The following CDH8 variants were observed in gnomAD, a reference collection of about 807,000 sequenced individuals.
CDH8 encodes cadherin 8.
Under a neutral mutation model 68.1 loss-of-function variants are expected in CDH8, and 17 were observed. That is an observed-to-expected ratio of 0.25 (90% CI 0.17 to 0.37). The LOEUF (loss-of-function observed/expected upper bound fraction) is 0.37. Ranked by LOEUF, CDH8 falls within the 10% of genes least tolerant of loss-of-function variation. The pLI is 1.00. For synonymous variants in CDH8, 372 were observed against 365.1 expected (o/e 1.02, Z -0.21); for missense variants, 763 against 999.3 (o/e 0.76, Z 3.19).
At position 61,653,403 on chromosome 16, in the gene CDH8, C is replaced by T; in HGVS notation, c.*205G>A. 1 of 1,362,444 alleles carries T rather than the reference C, an allele frequency of 7.3e-7. No individual in the cohort carries two copies. The highest frequency in any genetic ancestry group is 9.4e-7 in the Non-Finnish European group (1 of 1,062,968). 84.4% of individuals were successfully genotyped at this position (1,362,444 alleles called of 1,614,324 possible). A position where few individuals can be genotyped will look rare whatever the true frequency, so the allele number is the denominator to read the frequency against. On this transcript the variant is annotated 3_prime_UTR_variant, in exon 12 of 12. Coordinates refer to ENST00000577390, the MANE Select transcript of CDH8 (RefSeq NM_001796.5). Reference sequence around the variant, plus strand: ...CTAGACACTCCACATACTTAATTCACACTCCACAAGATTTATAACCTCCTA... The same window carrying T: ...CTAGACACTCCACATACTTAATTCATACTCCACAAGATTTATAACCTCCTA...
intron 10 of CDH8, among the ~76,000 whole-genome samples, chr16:61,703,477 A>T (rs2142853126): frequency 6.6e-6 from 1 of 152,312 alleles, no homozygotes; most frequent in South Asian, 2.1e-4. Flanking sequence ...ATTGACTCAC[A>T]ATATATGTTT....
At chr16:61,690,516 G>C (rs1567423871) in intron 10 of CDH8, among the ~76,000 whole-genome samples, 1 of 152,008 alleles carries the variant, frequency 6.6e-6, no homozygotes, top group Non-Finnish European at 1.5e-5. Context: ...TTCAGGGTTT[G>C]GTCAGAATTT....
Position 62,021,218 on chromosome 16 carries a change from G to A in CDH8, c.186C>T (p.Gly62=), listed in dbSNP as rs1367255970. The A allele has an allele frequency of 4.3e-6, 7 of 1,614,018 alleles. No individual in the cohort carries two copies. Among genetic ancestry groups the A allele is most frequent in the Non-Finnish European group, 5.9e-6 (7 of 1,179,946 alleles). ...EQRILNRSKR[G]WVWNQMFVLE... is the part of the protein sequence containing the mutation. ...GGACAAACATTTGATTCCAAACCCA[G>A]CCTCTTTTGGAGCGGTTCAAAATTC... The change falls in exon 2 of 12, where the codon GGC becomes GGT. Residue 62 remains glycine (G), a synonymous_variant. Coordinates refer to ENST00000577390, the MANE Select transcript of CDH8 (RefSeq NM_001796.5).
chr16:61,844,170 G>T (rs372751312), intron 4 of CDH8, among the ~76,000 whole-genome samples: 1 of 150,386 alleles, frequency 6.6e-6, no homozygotes, highest in South Asian at 2.1e-4. Flanking sequence ...GCAAACTATC[G>T]CAAGGACAAA....
chr16:61,656,479 T>A lies in CDH8; in HGVS notation c.1655-758A>T, dbSNP rs181085424. Among the ~76,000 whole-genome samples, 5 of 152,282 alleles carry A rather than the reference T, an allele frequency of 3.3e-5. No homozygotes were observed. In the East Asian group the frequency reaches 9.7e-4, roughly 29 times the overall value. ...AAAGATAGACTGTATGACAACACAG[T>A]TGCAAAACAATGCACTTTGTTGATT... On this transcript the variant is annotated intron_variant, in intron 10 of 11. Coordinates refer to ENST00000577390, the MANE Select transcript of CDH8 (RefSeq NM_001796.5).
At chr16:61,949,754 G>A (rs142148525) in intron 2 of CDH8, among the ~76,000 whole-genome samples, 1,708 of 152,068 alleles carry the variant, frequency 0.011, 33 homozygotes, top group African/African-American at 0.039. Context: ...AAGCCAAGGC[G>A]GCAGATCACT....
At chr16:61,946,949 T>C (rs1320422400) in intron 2 of CDH8, among the ~76,000 whole-genome samples, 2 of 152,240 alleles carry the variant, frequency 1.3e-5, no homozygotes, top group African/African-American at 4.8e-5. Context: ...TGATGTTCCA[T>C]GTAGAACACA....
intron 7 of CDH8, among the ~76,000 whole-genome samples, chr16:61,814,454 A>G (rs1420793832): frequency 6.6e-6 from 1 of 152,206 alleles, no homozygotes; most frequent in Non-Finnish European, 1.5e-5. Context: ...AGTAGTAGGT[A>G]TAAGAAGTCA....
At chr16:61,879,851 TA>T (rs1479095749) in intron 3 of CDH8, among the ~76,000 whole-genome samples, 2 of 152,176 alleles carry the variant, frequency 1.3e-5, no homozygotes, top group East Asian at 3.9e-4. Context: ...AGCAATACAG[TA>T]ATTAATCAAT....
At chr16:61,717,742 T>C (rs763582776) in intron 9 of CDH8, among the ~76,000 whole-genome samples, 8 of 150,762 alleles carry the variant, frequency 5.3e-5, no homozygotes, top group African/African-American at 7.4e-5. Context: ...ATATATGAGA[T>C]ATCCCCCCTC....
chr16:61,904,155 G>C (rs1964026752), intron 2 of CDH8, among the ~76,000 whole-genome samples: 1 of 152,066 alleles, frequency 6.6e-6, no homozygotes, highest in Admixed American at 6.6e-5. Context: ...ACTTGTTCAG[G>C]TAACCAACTT....
intron 8 of CDH8, among the ~76,000 whole-genome samples, chr16:61,756,179 G>A (rs1475630256): frequency 6.6e-6 from 1 of 151,916 alleles, no homozygotes; most frequent in Non-Finnish European, 1.5e-5. Flanking sequence ...CTGATATTTT[G>A]TACATTTTTG....
chr16:61,723,850 T>C (rs1959264199), intron 9 of CDH8, among the ~76,000 whole-genome samples: 1 of 150,658 alleles, frequency 6.6e-6, no homozygotes, highest in African/African-American at 2.4e-5. Context: ...AACCCTCCTG[T>C]TAAACTGGGA....
chr16:61,957,317 A>G (rs1350989945), intron 2 of CDH8, among the ~76,000 whole-genome samples: 1 of 152,186 alleles, frequency 6.6e-6, no homozygotes, highest in South Asian at 2.1e-4. Context: ...GACCACCTAC[A>G]GTCTATCTGA....
At chr16:61,765,524 T>C (rs965608115) in intron 8 of CDH8, among the ~76,000 whole-genome samples, 7 of 152,058 alleles carry the variant, frequency 4.6e-5, no homozygotes, top group African/African-American at 1.7e-4. Context: ...ATCATTTTTG[T>C]TCCAGATGTT....
intron 5 of CDH8, among the ~76,000 whole-genome samples, chr16:61,823,117 G>T (rs528157333): frequency 1.1e-4 from 17 of 151,848 alleles, no homozygotes; most frequent in African/African-American, 3.6e-4. Context: ...TGTTTAAAAA[G>T]GTTGCATTGT....
In CDH8 at chr16:61,655,450, G is replaced by T. The variant is rs755649849; in HGVS notation, c.1906+20C>A. ...GAATCAGAAAAAGGGTGACCGGTAG[G>T]CTATGAAGGAAATACGTACCTAACA... On this transcript the variant is annotated intron_variant, in intron 11 of 11. Transcript: ENST00000577390. 2.5e-5 allele frequency: 41 copies of T among 1,613,216 alleles called. No individual in the cohort carries two copies. Among genetic ancestry groups the T allele is most frequent in the Non-Finnish European group, 3.4e-5 (40 of 1,179,426 alleles).
chr16:62,006,187 G>A (rs1965971462), intron 2 of CDH8, among the ~76,000 whole-genome samples: 1 of 152,214 alleles, frequency 6.6e-6, no homozygotes, highest in African/African-American at 2.4e-5. Context: ...TTGGCCTTCT[G>A]GGTTATTGGG....
intron 2 of CDH8, among the ~76,000 whole-genome samples, chr16:61,948,512 G>C (rs182807881): frequency 3.5e-4 from 53 of 152,236 alleles, no homozygotes; most frequent in Non-Finnish European, 6.8e-4. Context: ...GCATCTCTGG[G>C]AGCTTCCCTA....
Sources: allele counts gnomAD v4.1 joint callset (sites outside exome capture counted in the v4.1 genomes callset), GRCh38; gene constraint gnomAD v4.1.1; transcripts MANE v1.5; gene names NCBI Gene and HGNC (gene_info 2026-07-23, HGNC 2026-07-21).